The following XRN2 variants were observed in gnomAD, a reference collection of about 807,000 sequenced individuals.
XRN2 encodes the protein DHM1-like protein.
XRN2 carries 44 observed loss-of-function variants against 138.5 expected under a neutral mutation model. The observed-to-expected ratio is 0.32, with a 90% confidence interval of 0.25 to 0.41. XRN2 has a LOEUF of 0.41. Ranked by LOEUF, XRN2 falls within the 10% of genes least tolerant of loss-of-function variation. The pLI, the probability that XRN2 is intolerant of heterozygous loss-of-function variation, is 1.00. For missense variants in XRN2, 937 were observed against 1,169.3 expected (o/e 0.80, Z 2.90); for synonymous variants, 354 against 369.4 (o/e 0.96, Z 0.48).
chr20:21,330,687 TG>T lies in XRN2; in HGVS notation c.561del (p.Trp188GlyfsTer4), dbSNP rs1334259477. The T allele has an allele frequency of 6.2e-7, 1 of 1,612,510 alleles. No homozygotes were observed. Among genetic ancestry groups the T allele is most frequent in the Non-Finnish European group, 8.5e-7 (1 of 1,179,930 alleles). ...YIADRLNNDP[G>X]WKNLTVILSD... ...TAGCTGATCGTTTAAATAATGACCC[TG>T]GGTGGAAAAATTTGACAGTAAGTTT... On this transcript the variant is annotated frameshift_variant, in exon 6 of 30. Transcript: ENST00000377191. LOFTEE classifies it high-confidence loss of function.
At position 21,356,688 on chromosome 20, in the gene XRN2, T is replaced by C. The variant is rs541711604; in HGVS notation, c.2198+23T>C. The stretch of plus-strand genomic sequence containing the variant: ...TCAGTAAGTTTCATTTTGTATATAA[T>C]TGAGGTGACTGGAAGGAAGTTTAGT... On this transcript the variant is annotated intron_variant, in intron 23 of 29. Coordinates refer to ENST00000377191, the MANE Select transcript of XRN2 (RefSeq NM_012255.5). 24 of 1,594,174 alleles carry C rather than the reference T, an allele frequency of 1.5e-5. 1 individual carries two copies. In the East Asian group the frequency reaches 5.4e-4, roughly 36 times the overall value.
rs6113205 is a variant in XRN2 at position 21,353,186 on chromosome 20, T to A, written c.1937-1603T>A. ...AATATAATATATGTTTATATATATT[T>A]TATATATATATAAATATAAATAAAT... On this transcript the variant is annotated intron_variant, in intron 20 of 29. Transcript: ENST00000377191. Among the ~76,000 whole-genome samples, 41 of 144,712 alleles carry A rather than the reference T, an allele frequency of 2.8e-4. 1 individual carries two copies. Among genetic ancestry groups the A allele is most frequent in the African/African-American group, 8.4e-4 (33 of 39,220 alleles). The allele number at this position is 144,712 out of a possible 152,430, so 94.9% of individuals were successfully genotyped here.
intron 1 of XRN2, among the ~76,000 whole-genome samples, chr20:21,315,002 G>A (rs990855755): frequency 3.3e-5 from 5 of 152,144 alleles, no homozygotes; most frequent in African/African-American, 4.8e-5. Context: ...CTTACATGGC[G>A]GGAGAGGAAC....
chr20:21,364,995 T>G (rs923489305), intron 24 of XRN2, among the ~76,000 whole-genome samples: 3 of 152,216 alleles, frequency 2.0e-5, no homozygotes, highest in Admixed American at 6.5e-5. Context: ...TTGCAAATAT[T>G]TCTATTGGTA....
chr20:21,387,057 G>A lies in XRN2; in HGVS notation c.2787+51G>A, dbSNP rs1203559342. On this transcript the variant is annotated intron_variant, in intron 29 of 29. Coordinates refer to ENST00000377191, the MANE Select transcript of XRN2 (RefSeq NM_012255.5). ...TACTGCTCACTTTATATTTCAACAA[G>A]CCTCACAGGACTCCGTATTTTCTTA... 3 of 1,566,638 alleles carry A rather than the reference G, an allele frequency of 1.9e-6. No individual in the cohort carries two copies. The Admixed American group carries it at 5.2e-5, about 27-fold the overall frequency.
rs539993355 is a variant in XRN2 at position 21,343,966 on chromosome 20, C to T, written c.1411-124C>T. The T allele has an allele frequency of 2.7e-5, 17 of 631,360 alleles. No individual in the cohort carries two copies. In the Admixed American group the frequency reaches 3.0e-4, roughly 11 times the overall value. 39.1% of individuals were successfully genotyped at this position (631,360 alleles called of 1,614,324 possible). On this transcript the variant is annotated intron_variant, in intron 15 of 29. Transcript: ENST00000377191. ...CTCTGTACCTTCTAAATATGTTTAC[C>T]ATCTCTATGTAGTAGCTTTAAAAAT...
chr20:21,382,109 G>C, intron 28 of XRN2, 52 bp downstream of exon 28: 1 of 1,451,668 alleles, frequency 6.9e-7, no homozygotes, highest in Non-Finnish European at 9.4e-7. Flanking sequence ...ACCAACATTT[G>C]GGGTTTATGG....
chr20:21,320,520 C>T (rs997570566), intron 1 of XRN2, among the ~76,000 whole-genome samples: 8 of 151,822 alleles, frequency 5.3e-5, no homozygotes, highest in East Asian at 1.9e-4. Flanking sequence ...AGGATGGTCT[C>T]GATCTCCTGA....
chr20:21,383,481 G>T (rs1447278513), intron 28 of XRN2, among the ~76,000 whole-genome samples: 1 of 152,050 alleles, frequency 6.6e-6, no homozygotes, highest in Non-Finnish European at 1.5e-5. Flanking sequence ...TTACATTTTT[G>T]CAAATGAAGA....
Position 21,303,396 on chromosome 20 carries a change from G to C in XRN2, c.-3G>C, listed in dbSNP as rs1022319978. ...CGGCCGCCGCCTCCAGCCGTGTGCC[G>C]CTATGGGAGTCCCGGCGTTCTTCCG... On this transcript the variant is annotated 5_prime_UTR_variant, in exon 1 of 30. Coordinates refer to ENST00000377191, the MANE Select transcript of XRN2 (RefSeq NM_012255.5). 5 of 1,548,324 alleles carry C rather than the reference G, an allele frequency of 3.2e-6. No individual in the cohort carries two copies. Among genetic ancestry groups the C allele is most frequent in the Non-Finnish European group, 4.4e-6 (5 of 1,145,932 alleles).
chr20:21,357,137 G>GC (rs1326257606), intron 23 of XRN2, among the ~76,000 whole-genome samples: 1 of 61,958 alleles, frequency 1.6e-5, no homozygotes, highest in Non-Finnish European at 3.5e-5. Flanking sequence ...TAACATGTAG[G>GC]GTATCTTTTA....
At chr20:21,346,738 G>C (rs748613455) in intron 17 of XRN2, among the ~76,000 whole-genome samples, 188 bp downstream of exon 17, 115 of 152,194 alleles carry the variant, frequency 7.6e-4, no homozygotes, top group African/African-American at 2.5e-3. Flanking sequence ...TCCTGCCTCA[G>C]CCTCCTGAGT....
At chr20:21,341,296 CT>C (rs1339301664) in intron 15 of XRN2, among the ~76,000 whole-genome samples, 2 of 152,196 alleles carry the variant, frequency 1.3e-5, no homozygotes, top group African/African-American at 4.8e-5. Context: ...CTTATTTCCC[CT>C]TTCCTTCAGT....
At chr20:21,351,763 A>G (rs573910097) in intron 20 of XRN2, among the ~76,000 whole-genome samples, 2 of 152,302 alleles carry the variant, frequency 1.3e-5, no homozygotes, top group South Asian at 2.1e-4. Context: ...ATTTTTGTAT[A>G]TGGTGTAAAG....
chr20:21,303,824 CTGT>C lies in XRN2; in HGVS notation c.75+357_75+359del, dbSNP rs199688284. The stretch of plus-strand genomic sequence containing the variant: ...TTGGGTCTCGGAAGAGGTTCAGAGG[CTGT>C]TGTTGAGCAATGCATGCCAGGTCAG... On this transcript the variant is annotated intron_variant, in intron 1 of 29. Coordinates refer to ENST00000377191, the MANE Select transcript of XRN2 (RefSeq NM_012255.5). 8.4e-4 allele frequency: 883 copies of C among 1,055,374 alleles called. 13 individuals are homozygous for C. The East Asian group carries it at 0.031, about 37-fold the overall frequency. The allele number at this position is 1,055,374 out of a possible 1,614,324, so 65.4% of individuals were successfully genotyped here.
intron 14 of XRN2, among the ~76,000 whole-genome samples, chr20:21,339,723 AC>A (rs2038347049): frequency 6.6e-6 from 1 of 152,202 alleles, no homozygotes; most frequent in Non-Finnish European, 1.5e-5. Context: ...TGCTCATAGT[AC>A]AGGTTGAGCA....
rs527414206 is a variant in XRN2 at position 21,375,733 on chromosome 20, T to TA, written c.2585-6259dup. Among the ~76,000 whole-genome samples, 167 of 152,112 alleles carry TA rather than the reference T, an allele frequency of 1.1e-3. 1 individual carries two copies. Among genetic ancestry groups the TA allele is most frequent in the African/African-American group, 3.9e-3 (161 of 41,560 alleles). ...CAGTATCACCACATTAACCTCTAAA[T>TA]AAGAGTATACCAATTTGTACTTCCT... On this transcript the variant is annotated intron_variant, in intron 27 of 29. Transcript: ENST00000377191.
intron 20 of XRN2, 37 bp from the exon 21 acceptor site, chr20:21,354,752 G>C (rs761480490): frequency 3.8e-6 from 6 of 1,596,014 alleles, no homozygotes; most frequent in Admixed American, 3.4e-5. Context: ...GGGTGATCCT[G>C]GTAGCAGGGG....
intron 15 of XRN2, 90 bp downstream of exon 15, chr20:21,340,942 C>A: frequency 6.8e-7 from 1 of 1,470,534 alleles, no homozygotes; most frequent in Non-Finnish European, 9.3e-7. Flanking sequence ...TTATCACAGC[C>A]TGGAGTTTTG....
Sources: gnomAD v4.1 joint callset for allele counts (sites outside exome capture counted in the v4.1 genomes callset) on GRCh38, gnomAD v4.1.1 for gene constraint, MANE v1.5 for transcripts, NCBI Gene and HGNC (gene_info 2026-07-23, HGNC 2026-07-21) for gene names.